ZNF140: variants seen among roughly 807,000 people sequenced by gnomAD.
ZNF140 encodes the protein zinc finger protein 140, also known as zinc finger protein 140 (clone pHZ-39).
Under a neutral mutation model 12.9 loss-of-function variants are expected in ZNF140, and 13 were observed. The observed-to-expected ratio is 1.01, with a 90% confidence interval of 0.66 to 1.60. The LOEUF is 1.60. Among genes scored for constraint, ZNF140 ranks in the 40% most tolerant of loss-of-function variants. The pLI, the probability that ZNF140 is intolerant of heterozygous loss-of-function variation, is 0.00. For synonymous variants in ZNF140, 214 were observed against 186.7 expected, an observed-to-expected ratio of 1.15 and a Z score of -1.19; for missense variants, 531 against 548.8, an observed-to-expected ratio of 0.97 and a Z score of 0.32.
chr12:133,099,613 G>T (rs1278206994), intron 4 of ZNF140, among the ~76,000 whole-genome samples: 2 of 152,120 alleles, frequency 1.3e-5, no homozygotes, highest in African/African-American at 4.8e-5. Flanking sequence ...TTGAGCCCAG[G>T]AATTTGAGGC....
chr12:133,090,588 C>T (rs2950580), intron 4 of ZNF140, among the ~76,000 whole-genome samples: 9,186 of 151,224 alleles, frequency 0.061, 369 homozygotes, highest in Admixed American at 0.087. Flanking sequence ...TCGGGTGGGA[C>T]AAGAGACTGA....
intron 4 of ZNF140, among the ~76,000 whole-genome samples, chr12:133,094,772 C>G (rs1955008728): frequency 6.6e-6 from 1 of 151,136 alleles, no homozygotes; most frequent in Non-Finnish European, 1.5e-5. Flanking sequence ...GGCTCCCTCC[C>G]CCAGCACTCA....
chr12:133,106,554 C>T lies in ZNF140; in HGVS notation c.1277C>T (p.Ser426Leu). ...TGCAACAAATCCTTCAGCTGGAGCT[C>T]AAACCTTGCTAAACATCAGAGGACA... ...KVCNKSFSWS[S>L]NLAKHQRTHT... Residue 426 changes from serine (S) to leucine (L), a missense_variant, in exon 5 of 5, where the codon TCA (serine) becomes TTA (leucine). Coordinates refer to ENST00000355557, the MANE Select transcript of ZNF140 (RefSeq NM_003440.4). 1 of 1,613,932 alleles carries T rather than the reference C, an allele frequency of 6.2e-7. No homozygotes were observed. The highest frequency in any genetic ancestry group is 8.5e-7 in the Non-Finnish European group (1 of 1,180,002).
chr12:133,085,271 C>G (rs1954638406), intron 4 of ZNF140, among the ~76,000 whole-genome samples: 2 of 152,154 alleles, frequency 1.3e-5, no homozygotes, highest in East Asian at 1.9e-4. Flanking sequence ...GATCTGCCCG[C>G]CTAGGCCTCC....
chr12:133,100,619 A>G (rs1955312315), intron 4 of ZNF140, among the ~76,000 whole-genome samples: 1 of 152,230 alleles, frequency 6.6e-6, no homozygotes, highest in African/African-American at 2.4e-5. Flanking sequence ...CAACCTCAGC[A>G]TATGAGAGAG....
In ZNF140 at chr12:133,090,989, G is replaced by T. The variant is rs1224980572; in HGVS notation, c.232+7428G>T. ...GCTACTATCTCAGAATTGAACAAAT[G>T]TACAATCGGGTTTTATACCGAGACA... On this transcript the variant is annotated intron_variant, in intron 4 of 4. Coordinates refer to ENST00000355557, the MANE Select transcript of ZNF140 (RefSeq NM_003440.4). 9.4e-5 allele frequency among the ~76,000 whole-genome samples: 14 copies of T among 148,898 alleles called. No individual in the cohort carries two copies. In the East Asian group the frequency reaches 2.7e-3, roughly 29 times the overall value.
At chr12:133,095,485 T>G (rs1406542349) in intron 4 of ZNF140, among the ~76,000 whole-genome samples, 3 of 150,958 alleles carry the variant, frequency 2.0e-5, no homozygotes, top group African/African-American at 2.5e-5. Flanking sequence ...AGGGGTGGCC[T>G]GCCCCTCCAC....
chr12:133,088,118 A>T (rs1954736534), intron 4 of ZNF140, among the ~76,000 whole-genome samples: 1 of 151,548 alleles, frequency 6.6e-6, no homozygotes, highest in East Asian at 1.9e-4. Context: ...CGACAGCAAG[A>T]CTCTGTCTAA....
intron 4 of ZNF140, among the ~76,000 whole-genome samples, chr12:133,091,699 C>T (rs1218138994): frequency 6.6e-6 from 1 of 150,920 alleles, no homozygotes; most frequent in Non-Finnish European, 1.5e-5. Context: ...AGTGGAATTT[C>T]CAGTGGTTTT....
chr12:133,095,532 T>A (rs1955044431), intron 4 of ZNF140, among the ~76,000 whole-genome samples: 1 of 151,408 alleles, frequency 6.6e-6, no homozygotes, highest in Non-Finnish European at 1.5e-5. Flanking sequence ...GATGAGAGAC[T>A]GAGAAAAGAA....
intron 4 of ZNF140, chr12:133,093,581 C>A (rs1209549765): frequency 9.2e-6 from 6 of 655,610 alleles, no homozygotes; most frequent in Non-Finnish European, 1.7e-5. Context: ...TTATCACCTT[C>A]CCTATTTCCC....
At chr12:133,100,502 G>A (rs1418794052) in intron 4 of ZNF140, among the ~76,000 whole-genome samples, 3 of 152,190 alleles carry the variant, frequency 2.0e-5, no homozygotes, top group African/African-American at 7.2e-5. Flanking sequence ...AAGCACTTAT[G>A]CACTTGTGGT....
chr12:133,090,958 G>T (rs368563585), intron 4 of ZNF140, among the ~76,000 whole-genome samples: 2,838 of 140,278 alleles, frequency 0.02, 14 homozygotes, highest in African/African-American at 0.034. Context: ...ACCATAGGGC[G>T]GTTTTGCTAC....
At chr12:133,104,494 G>T (rs1319773999) in intron 4 of ZNF140, among the ~76,000 whole-genome samples, 1 of 151,880 alleles carries the variant, frequency 6.6e-6, no homozygotes, top group Non-Finnish European at 1.5e-5. Flanking sequence ...TGGGACTACA[G>T]GTGCATGCCA....
At position 133,107,242 on chromosome 12, in the gene ZNF140, A is replaced by G. The variant is rs1488043160; in HGVS notation, c.*591A>G. On this transcript the variant is annotated 3_prime_UTR_variant, in exon 5 of 5. Transcript: ENST00000355557. ...ACTTTCTGCAATATTTCAAACCTATATCAGAGAATTACACTGTGGGAAAAC... is the reference window on the plus strand; with the variant it reads ...ACTTTCTGCAATATTTCAAACCTATGTCAGAGAATTACACTGTGGGAAAAC... 1 of 152,250 alleles carries G rather than the reference A, an allele frequency of 6.6e-6. No individual in the cohort carries two copies. The highest frequency in any genetic ancestry group is 2.4e-5 in the African/African-American group (1 of 41,468). The allele number at this position is 152,250 out of a possible 1,614,324, so 9.4% of individuals were successfully genotyped here. A position where few individuals can be genotyped will look rare whatever the true frequency, so the allele number is the denominator to read the frequency against.
chr12:133,083,104 G>T lies in ZNF140; in HGVS notation c.11G>T (p.Gly4Val). 2 of 1,614,176 alleles carry T rather than the reference G, an allele frequency of 1.2e-6. No individual in the cohort carries two copies. The highest frequency in any genetic ancestry group is 1.7e-6 in the Non-Finnish European group (2 of 1,180,030). The change falls in exon 3 of 5, where the codon GGG becomes GTG. Residue 4 changes from glycine (G) to valine (V), a missense_variant and splice_region_variant. Coordinates refer to ENST00000355557, the MANE Select transcript of ZNF140 (RefSeq NM_003440.4). The part of the protein sequence containing the change: MSQ[G>V]SVTFRDVAID... ...GCAAATATCTGTCCGTCATTTCAGG[G>T]GTCAGTGACATTCAGAGATGTGGCC...
chr12:133,104,512 T>A (rs941960565), intron 4 of ZNF140, among the ~76,000 whole-genome samples: 1 of 152,026 alleles, frequency 6.6e-6, no homozygotes, highest in Non-Finnish European at 1.5e-5. Context: ...CCATCACGCC[T>A]GGCTAATTTT....
At position 133,106,142 on chromosome 12, in the gene ZNF140, A is replaced by G; in HGVS notation, c.865A>G (p.Ile289Val). 1 of 1,614,182 alleles carries G rather than the reference A, an allele frequency of 6.2e-7. No individual in the cohort carries two copies. The highest frequency in any genetic ancestry group is 1.1e-5 in the South Asian group (1 of 91,088). Residue 289 changes from isoleucine to valine, a missense_variant, in exon 5 of 5, where the codon ATT (isoleucine) becomes GTT (valine). By Grantham distance (29) the Ile-to-Val change is conservative. Coordinates refer to ENST00000355557, the MANE Select transcript of ZNF140 (RefSeq NM_003440.4). The stretch of plus-strand genomic sequence containing the variant: ...AGCATTTAGCAGTGGCTCAGAACTC[A>G]TTCGCCACCAGATTACACATACTGG... The part of the protein sequence containing the change: ...GKAFSSGSEL[I>V]RHQITHTGEK...
At chr12:133,091,022 C>T (rs967368267) in intron 4 of ZNF140, among the ~76,000 whole-genome samples, 3 of 148,820 alleles carry the variant, frequency 2.0e-5, no homozygotes, top group East Asian at 1.9e-4. Context: ...ACATTCAGTT[C>T]CCAGGGGCAG....
Sources: allele counts gnomAD v4.1 joint callset (sites outside exome capture counted in the v4.1 genomes callset), GRCh38; gene constraint gnomAD v4.1.1; transcripts MANE v1.5; gene names NCBI Gene and HGNC (gene_info 2026-07-23, HGNC 2026-07-21).